Variants in NRG1 observed in about 807,000 individuals in gnomAD.
NRG1 encodes neuregulin 1, also known as pro-neuregulin-1, membrane-bound isoform.
In NRG1, 18 loss-of-function variants were observed where a neutral mutation model predicts 63.8. That is an observed-to-expected ratio of 0.28 (90% confidence interval 0.19 to 0.42). The LOEUF (loss-of-function observed/expected upper bound fraction) is 0.42. Ranked by LOEUF, NRG1 falls within the 10% of genes least tolerant of loss-of-function variation. The pLI is 1.00. For synonymous variants in NRG1, 302 were observed against 301.3 expected, an observed-to-expected ratio of 1.00 and a Z score of -0.02; for missense variants, 762 against 814.7, an observed-to-expected ratio of 0.94 and a Z score of 0.79.
intron 1 of NRG1, among the ~76,000 whole-genome samples, chr8:31,745,270 C>G (rs1420919353): frequency 6.6e-6 from 1 of 151,934 alleles, no homozygotes. Flanking sequence ...TGTCCCCCGA[C>G]ACAGGGAACG....
At chr8:31,795,201 T>A (rs745810984) in intron 1 of NRG1, among the ~76,000 whole-genome samples, 4 of 152,170 alleles carry the variant, frequency 2.6e-5, no homozygotes, top group African/African-American at 9.6e-5. Flanking sequence ...CCTCTTAGGA[T>A]GAGCTGTCAC....
chr8:32,373,483 A>AG (rs1809197785), intron 1 of NRG1, among the ~76,000 whole-genome samples: 1 of 52,406 alleles, frequency 1.9e-5, no homozygotes, highest in Non-Finnish European at 4.7e-5. Flanking sequence ...CATCTCTACA[A>AG]CGAGAAAAAT....
intron 1 of NRG1, among the ~76,000 whole-genome samples, chr8:32,487,801 G>A (rs189947103): frequency 3.9e-4 from 59 of 152,274 alleles, no homozygotes; most frequent in African/African-American, 1.3e-3. Context: ...AAGAGAGCAG[G>A]TCTACTCAGG....
intron 1 of NRG1, among the ~76,000 whole-genome samples, chr8:32,430,234 T>C (rs1439839007): frequency 1.3e-5 from 2 of 152,216 alleles, no homozygotes; most frequent in East Asian, 3.8e-4. Flanking sequence ...TGTCCTACCC[T>C]TCAAGATGCC....
intron 1 of NRG1, among the ~76,000 whole-genome samples, chr8:32,170,846 G>A (rs974906708): frequency 6.6e-6 from 1 of 152,164 alleles, no homozygotes; most frequent in African/African-American, 2.4e-5. Context: ...AGTAATTGCA[G>A]TTTTTGACTT....
At chr8:31,799,409 T>G (rs1288662790) in intron 1 of NRG1, among the ~76,000 whole-genome samples, 1 of 152,086 alleles carries the variant, frequency 6.6e-6, no homozygotes, top group Non-Finnish European at 1.5e-5. Flanking sequence ...TTACTCTTTT[T>G]CAGAAAGTTA....
chr8:32,053,691 TC>T (rs1822369367), intron 1 of NRG1, among the ~76,000 whole-genome samples: 1 of 152,198 alleles, frequency 6.6e-6, no homozygotes, highest in Non-Finnish European at 1.5e-5. Flanking sequence ...TTTTACTGCA[TC>T]TCTGTTGTTA....
chr8:32,001,813 G>C (rs1394754685), intron 1 of NRG1, among the ~76,000 whole-genome samples: 1 of 152,006 alleles, frequency 6.6e-6, no homozygotes, highest in South Asian at 2.1e-4. Flanking sequence ...ATGATATCAA[G>C]TATACATATT....
intron 5 of NRG1, among the ~76,000 whole-genome samples, chr8:32,636,909 G>A (rs572078319): frequency 4.6e-5 from 7 of 152,014 alleles, no homozygotes; most frequent in Middle Eastern, 3.4e-3. Context: ...GGTGGAGGCT[G>A]GGGGATGATG....
chr8:32,206,101 C>T (rs1306621967), intron 1 of NRG1, among the ~76,000 whole-genome samples: 2 of 152,108 alleles, frequency 1.3e-5, no homozygotes, highest in African/African-American at 2.4e-5. Context: ...GAGACCCTGT[C>T]TCATTCAATT....
exon 1 of NRG1, chr8:32,548,427 G>T: frequency 8.9e-7 from 1 of 1,123,412 alleles, no homozygotes; most frequent in Non-Finnish European, 1.1e-6. Context: ...TTGCGAGGGC[G>T]CCGGGCAGAG....
chr8:32,264,646 C>G (rs1850725160), intron 1 of NRG1, among the ~76,000 whole-genome samples: 1 of 152,108 alleles, frequency 6.6e-6, no homozygotes, highest in Admixed American at 6.5e-5. Context: ...AAACCATAAG[C>G]TGAATGCTTT....
intron 1 of NRG1, among the ~76,000 whole-genome samples, chr8:32,062,409 T>C (rs1432302966): frequency 6.6e-6 from 1 of 152,068 alleles, no homozygotes; most frequent in Non-Finnish European, 1.5e-5. Context: ...GGGGAACTAG[T>C]TTTGTTTAGC....
intron 1 of NRG1, among the ~76,000 whole-genome samples, chr8:31,855,774 C>T (rs1402411368): frequency 1.3e-4 from 20 of 151,974 alleles, no homozygotes; most frequent in Non-Finnish European, 2.2e-4. Flanking sequence ...TCATGTTTAG[C>T]GCTTCCTTCA....
rs543047148 is a variant in NRG1 at position 32,590,150 on chromosome 8, A to G, written c.101-5678A>G. Reference sequence around the variant, plus strand: ...GAAGTATTCAAAAGAAGCTCCTGTGAAATGTGTGGCATTGCTCTGAAAGCA... The same window carrying G: ...GAAGTATTCAAAAGAAGCTCCTGTGGAATGTGTGGCATTGCTCTGAAAGCA... On this transcript the variant is annotated intron_variant, in intron 1 of 11. Transcript: ENST00000356819. Among the ~76,000 whole-genome samples the G allele has an allele frequency of 4.6e-5, 7 of 152,340 alleles. 1 individual carries two copies. In the South Asian group the frequency reaches 1.5e-3, roughly 32 times the overall value.
chr8:31,993,555 C>G (rs1811432433), intron 1 of NRG1, among the ~76,000 whole-genome samples: 1 of 151,970 alleles, frequency 6.6e-6, no homozygotes, highest in African/African-American at 2.4e-5. Flanking sequence ...TGCACAAGCT[C>G]TCTTCCCCAC....
At position 32,177,294 on chromosome 8, in the gene NRG1, C is replaced by T. The variant is rs540634311; in HGVS notation, c.38-418534C>T. ...ATTGAACAATGAGAACACATGGACA[C>T]GGGAAGGGGAACATCACACACTGGG... On this transcript the variant is annotated intron_variant, in intron 1 of 10. Coordinates refer to the NRG1 transcript ENST00000519301. 2.5e-4 allele frequency among the ~76,000 whole-genome samples: 31 copies of T among 122,262 alleles called. No homozygotes were observed. In the East Asian group the frequency reaches 6.1e-3, roughly 24 times the overall value. 80.2% of individuals were successfully genotyped at this position (122,262 alleles called of 152,430 possible).
At chr8:31,736,856 CACAT>C (rs1319617027) in intron 1 of NRG1, among the ~76,000 whole-genome samples, 3 of 152,130 alleles carry the variant, frequency 2.0e-5, no homozygotes, top group African/African-American at 7.2e-5. Flanking sequence ...TACGTACACA[CACAT>C]GCACACACAA....
chr8:32,341,205 G>A (rs374888387), intron 1 of NRG1, among the ~76,000 whole-genome samples: 10 of 152,264 alleles, frequency 6.6e-5, no homozygotes, highest in South Asian at 6.2e-4. Flanking sequence ...GCAGAAACCC[G>A]AATTCCAGAT....
Sources: allele counts gnomAD v4.1 joint callset (sites outside exome capture counted in the v4.1 genomes callset), GRCh38; gene constraint gnomAD v4.1.1; transcripts MANE v1.5; gene names NCBI Gene and HGNC (gene_info 2026-07-23, HGNC 2026-07-21).